The following ISM1 variants were observed in gnomAD, a reference collection of about 807,000 sequenced individuals.
ISM1 encodes the protein isthmin 1, also known as isthmin-1.
ISM1 carries 25 observed loss-of-function variants against 46.3 expected under a neutral mutation model. The ratio of observed to expected loss-of-function variants is 0.54; its 90% confidence interval spans 0.39 to 0.75. The LOEUF is 0.75. Ranked by LOEUF, ISM1 falls within the 30% of genes least tolerant of loss-of-function variation. ISM1 has a pLI of 0.00. For missense variants in ISM1, 536 were observed against 625.4 expected (o/e 0.86, Z 1.52); for synonymous variants, 255 against 256.7 (o/e 0.99, Z 0.06).
intron 3 of ISM1, among the ~76,000 whole-genome samples, chr20:13,283,261 G>A (rs2040256933): frequency 6.6e-6 from 1 of 152,082 alleles, no homozygotes; most frequent in Non-Finnish European, 1.5e-5. Context: ...ATTGTGTGCT[G>A]TTGTGGAGGA....
intron 1 of ISM1, among the ~76,000 whole-genome samples, chr20:13,224,948 C>T (rs1338994567): frequency 1.3e-5 from 2 of 150,682 alleles, no homozygotes; most frequent in Non-Finnish European, 2.9e-5. Context: ...CGGGTTCATG[C>T]CATTCTCCTG....
intron 1 of ISM1, among the ~76,000 whole-genome samples, chr20:13,222,316 T>A (rs974045254): frequency 6.6e-6 from 1 of 152,260 alleles, no homozygotes; most frequent in Admixed American, 6.5e-5. Context: ...AAGGAGACTT[T>A]ATAGGATGAT....
At chr20:13,288,717 AG>A in intron 4 of ISM1, 34 bp downstream of exon 4, 1 of 1,578,852 alleles carries the variant, frequency 6.3e-7, no homozygotes, top group Non-Finnish European at 8.6e-7. Flanking sequence ...TCCAAGTTCA[AG>A]GGGAAAGCTT....
intron 2 of ISM1, among the ~76,000 whole-genome samples, chr20:13,275,156 A>G (rs2040163322): frequency 2.0e-5 from 3 of 152,230 alleles, no homozygotes; most frequent in South Asian, 4.1e-4. Context: ...TGAGATTAGT[A>G]TTCATTTCAA....
At chr20:13,294,093 G>A (rs570644390) in intron 5 of ISM1, among the ~76,000 whole-genome samples, 4 of 152,336 alleles carry the variant, frequency 2.6e-5, no homozygotes, top group Admixed American at 1.3e-4. Context: ...CGGCCATGAT[G>A]TGGCCGCCAT....
intron 1 of ISM1, among the ~76,000 whole-genome samples, chr20:13,255,040 G>A (rs1200630335): frequency 6.6e-6 from 1 of 152,182 alleles, no homozygotes; most frequent in East Asian, 1.9e-4. Flanking sequence ...CCTGGTAGGG[G>A]CCACAACACA....
At chr20:13,250,267 G>C (rs1005502446) in intron 1 of ISM1, among the ~76,000 whole-genome samples, 1 of 152,106 alleles carries the variant, frequency 6.6e-6, no homozygotes, top group Non-Finnish European at 1.5e-5. Flanking sequence ...TCCAATTTTA[G>C]GTTTGGAATA....
intron 1 of ISM1, among the ~76,000 whole-genome samples, chr20:13,224,841 C>CTTTTTTTTTTTTTTTTTT (rs1162270732): frequency 9.3e-6 from 1 of 107,258 alleles, no homozygotes; most frequent in Non-Finnish European, 1.9e-5. Flanking sequence ...AGCTTTCTTT[C>CTTTTTTTTTTTTTTTTTT]TTTTTTTTTT....
intron 1 of ISM1, among the ~76,000 whole-genome samples, chr20:13,264,702 A>G (rs745638487): frequency 6.6e-6 from 1 of 152,198 alleles, no homozygotes; most frequent in African/African-American, 2.4e-5. Context: ...CAGTGGCTGG[A>G]GGCAGTGATT....
chr20:13,278,021 C>G (rs1286542363), intron 2 of ISM1, among the ~76,000 whole-genome samples: 2 of 152,196 alleles, frequency 1.3e-5, no homozygotes, highest in African/African-American at 2.4e-5. Flanking sequence ...GCAACTCTAT[C>G]AGATGTCAGG....
chr20:13,262,503 C>T (rs1394832416), intron 1 of ISM1, among the ~76,000 whole-genome samples: 2 of 144,018 alleles, frequency 1.4e-5, no homozygotes, highest in Non-Finnish European at 3.0e-5. Flanking sequence ...CACTCGTGTA[C>T]TCTGCTTCTT....
chr20:13,262,049 A>G (rs971089796), intron 1 of ISM1, among the ~76,000 whole-genome samples: 5 of 152,194 alleles, frequency 3.3e-5, no homozygotes, highest in East Asian at 3.9e-4. Flanking sequence ...TTTTAGGTGC[A>G]CTAATGATCT....
intron 1 of ISM1, among the ~76,000 whole-genome samples, chr20:13,245,994 G>A (rs1432967456): frequency 2.6e-5 from 4 of 152,210 alleles, no homozygotes; most frequent in Non-Finnish European, 5.9e-5. Flanking sequence ...TGGGCTGGGC[G>A]CTGTGGCTCA....
At chr20:13,235,084 C>T (rs910922559) in intron 1 of ISM1, among the ~76,000 whole-genome samples, 1 of 152,176 alleles carries the variant, frequency 6.6e-6, no homozygotes, top group Non-Finnish European at 1.5e-5. Context: ...GACAACTACT[C>T]CAAATCTCAA....
chr20:13,321,495 G>C, the ISM1 span, among the ~76,000 whole-genome samples: 1 of 152,100 alleles, frequency 6.6e-6, no homozygotes, highest in Non-Finnish European at 1.5e-5. Context: ...TCTGGCCCCA[G>C]AAGCATCTAA....
rs778953205 is a variant in ISM1, at chr20:13,299,104, G to A, written c.1040G>A (p.Arg347His). The A allele has an allele frequency of 6.2e-7, 1 of 1,613,652 alleles. No homozygotes were observed. Among genetic ancestry groups the A allele is most frequent in the Non-Finnish European group, 8.5e-7 (1 of 1,179,778 alleles). ...GACCGCATCAAGCGCAAGGACTTCCGCTGGAAGGACGCCAGCGGGCCCAAG... is the reference window on the plus strand; with the variant it reads ...GACCGCATCAAGCGCAAGGACTTCCACTGGAAGGACGCCAGCGGGCCCAAG... ...IFDRIKRKDFRWKDASGPKEK... is the reference protein window; with the variant it reads ...IFDRIKRKDFHWKDASGPKEK... The change falls in exon 6 of 6, where the codon CGC (arginine) becomes CAC (histidine). Residue 347 changes from arginine to histidine, a missense_variant. Arg to His is a conservative substitution (Grantham distance 29). Coordinates refer to ENST00000262487, the MANE Select transcript of ISM1 (RefSeq NM_080826.2). This position sits in a 1 kb window ranked among gnomAD's most constrained non-coding sequence, Gnocchi z 5.8.
At chr20:13,316,704 A>G in the ISM1 span, among the ~76,000 whole-genome samples, 1 of 151,940 alleles carries the variant, frequency 6.6e-6, no homozygotes, top group African/African-American at 2.4e-5. Context: ...AAACAGATGC[A>G]GAAAAATCAT....
chr20:13,293,867 T>C (rs769813891), intron 5 of ISM1, among the ~76,000 whole-genome samples: 3 of 151,350 alleles, frequency 2.0e-5, no homozygotes, highest in Non-Finnish European at 2.9e-5. Flanking sequence ...CCAGCTACTC[T>C]GGAGGCTGAG....
chr20:13,277,585 G>A (rs1166365799), intron 2 of ISM1, among the ~76,000 whole-genome samples: 3 of 151,630 alleles, frequency 2.0e-5, no homozygotes, highest in African/African-American at 7.3e-5. Flanking sequence ...ATTCATTCCA[G>A]CAAATAGCAA....
Sources: allele counts gnomAD v4.1 joint callset (sites outside exome capture counted in the v4.1 genomes callset), GRCh38; gene constraint gnomAD v4.1.1; non-coding constraint Gnocchi (gnomAD v3.1); transcripts MANE v1.5; gene names NCBI Gene and HGNC (gene_info 2026-07-23, HGNC 2026-07-21).